The following IQCB1 variants were observed in gnomAD, a reference collection of about 807,000 sequenced individuals.
IQCB1 encodes the protein IQ calmodulin-binding motif-containing protein 1.
In IQCB1, 56 loss-of-function variants were observed where a neutral mutation model predicts 84.4. The ratio of observed to expected loss-of-function variants is 0.66; its 90% CI spans 0.54 to 0.83. The LOEUF (loss-of-function observed/expected upper bound fraction) is 0.83, where lower values mean the gene tolerates loss of function less well. IQCB1 is among the 40% of genes least tolerant of loss of function. The pLI, the probability that IQCB1 is intolerant of heterozygous loss-of-function variation, is 0.00. For synonymous variants in IQCB1, 210 were observed against 234.8 expected, an observed-to-expected ratio of 0.89 and a Z score of 0.96; for missense variants, 629 against 682.1, an observed-to-expected ratio of 0.92 and a Z score of 0.87.
At chr3:121,828,762 G>T in intron 3 of IQCB1, 99 bp downstream of exon 3, 1 of 1,007,054 alleles carries the variant, frequency 9.9e-7, no homozygotes, top group Non-Finnish European at 1.6e-6. Context: ...ATAGTGTTAA[G>T]ACCTCTCTGA....
chr3:121,778,942 T>C (rs1410192316), intron 13 of IQCB1, among the ~76,000 whole-genome samples: 3 of 151,834 alleles, frequency 2.0e-5, no homozygotes, highest in Non-Finnish European at 2.9e-5. Flanking sequence ...GCACTGTTCC[T>C]ACTGAGCAAT....
At chr3:121,804,752 T>C (rs893551191) in intron 7 of IQCB1, among the ~76,000 whole-genome samples, 2 of 152,182 alleles carry the variant, frequency 1.3e-5, no homozygotes, top group African/African-American at 2.4e-5. Flanking sequence ...TGCATGTTTA[T>C]AGTTTTCATC....
intron 8 of IQCB1, among the ~76,000 whole-genome samples, chr3:121,797,873 T>G (rs1301522586): frequency 6.6e-6 from 1 of 152,018 alleles, no homozygotes; most frequent in African/African-American, 2.4e-5. Flanking sequence ...TTATAATGTG[T>G]GTATTCAAAA....
chr3:121,790,947 T>C (rs1293696315), intron 10 of IQCB1, among the ~76,000 whole-genome samples: 1 of 152,180 alleles, frequency 6.6e-6, no homozygotes, highest in Non-Finnish European at 1.5e-5. Flanking sequence ...AAACATTTTA[T>C]ATAATTATAA....
intron 2 of IQCB1, among the ~76,000 whole-genome samples, chr3:121,833,386 TTC>T (rs763448344): frequency 3.3e-5 from 5 of 152,216 alleles, no homozygotes; most frequent in Admixed American, 2.0e-4. Flanking sequence ...TTTCTTGACT[TTC>T]TGTTTTTCTC....
chr3:121,803,762 T>C (rs552342547), intron 7 of IQCB1, among the ~76,000 whole-genome samples: 1 of 152,224 alleles, frequency 6.6e-6, no homozygotes, highest in Non-Finnish European at 1.5e-5. Flanking sequence ...CTAATACAGG[T>C]ACTTCAACTT....
rs1399565279 is a variant in IQCB1, at chr3:121,799,180, A to T, written c.766+16T>A. On this transcript the variant is annotated intron_variant, in intron 8 of 14. Transcript: ENST00000310864. ...CTTTTTGAGAATCCCAAGAAAAGAA[A>T]GAATGAATGTACTACCTTTGTAGCA... 1 of 1,588,318 alleles carries T rather than the reference A, an allele frequency of 6.3e-7. No individual in the cohort carries two copies. The highest frequency in any genetic ancestry group is 1.3e-5 in the African/African-American group (1 of 74,296).
In IQCB1 at chr3:121,816,504, T is replaced by G. The variant is rs28812630; in HGVS notation, c.394-7495A>C. ...AGGCAACCTACAGAATAGGAAAAAATTTTTGCAATCTACCCATCTGATGAA... is the reference window on the plus strand; with the variant it reads ...AGGCAACCTACAGAATAGGAAAAAAGTTTTGCAATCTACCCATCTGATGAA... On this transcript the variant is annotated intron_variant, in intron 5 of 14. Transcript: ENST00000310864. 2.7e-3 allele frequency among the ~76,000 whole-genome samples: 408 copies of G among 151,794 alleles called. 1 individual carries two copies. The highest frequency in any genetic ancestry group is 9.4e-3 in the African/African-American group (390 of 41,394).
At chr3:121,785,449 T>G (rs1485731688) in intron 12 of IQCB1, among the ~76,000 whole-genome samples, 1 of 152,068 alleles carries the variant, frequency 6.6e-6, no homozygotes, top group Non-Finnish European at 1.5e-5. Context: ...GAGATGAGGT[T>G]TTGCGACATT....
intron 7 of IQCB1, among the ~76,000 whole-genome samples, chr3:121,800,630 C>T (rs1949368880): frequency 6.6e-6 from 1 of 151,922 alleles, no homozygotes; most frequent in African/African-American, 2.4e-5. Context: ...ATGCTCATCT[C>T]AGAAAGCCTT....
intron 6 of IQCB1, among the ~76,000 whole-genome samples, chr3:121,807,661 T>C (rs777208742): frequency 1.8e-4 from 28 of 151,888 alleles, no homozygotes; most frequent in African/African-American, 4.3e-4. Context: ...AGTCAGAAAA[T>C]AGGCATAAAT....
At chr3:121,783,763 A>G (rs534637010) in intron 12 of IQCB1, among the ~76,000 whole-genome samples, 10 of 151,924 alleles carry the variant, frequency 6.6e-5, no homozygotes, top group Admixed American at 2.0e-4. Flanking sequence ...CTCGGTGACT[A>G]CTTTTCATCT....
Position 121,826,202 on chromosome 3 carries a change from G to A in IQCB1, c.264-22C>T, listed in dbSNP as rs760622385. The A allele has an allele frequency of 4.3e-5, 69 of 1,612,172 alleles. No homozygotes were observed. In the East Asian group the frequency reaches 1.2e-3, roughly 29 times the overall value. ...ATGGCTGAAATAAGAGCACAAGTTC[G>A]TGTTAATTAGAAGTTTATGTTGAAT... On this transcript the variant is annotated intron_variant, in intron 4 of 14. Coordinates refer to ENST00000310864, the MANE Select transcript of IQCB1 (RefSeq NM_001023570.4).
rs772971442 is a variant in IQCB1, at chr3:121,799,182, A to G, written c.766+14T>C. On this transcript the variant is annotated intron_variant, in intron 8 of 14. Transcript: ENST00000310864. The stretch of plus-strand genomic sequence containing the variant: ...TTTTGAGAATCCCAAGAAAAGAAAG[A>G]ATGAATGTACTACCTTTGTAGCAGG... 2 of 1,591,420 alleles carry G rather than the reference A, an allele frequency of 1.3e-6. No homozygotes were observed. The highest frequency in any genetic ancestry group is 1.1e-5 in the South Asian group (1 of 89,778).
chr3:121,809,089 G>T (rs1949724143), intron 5 of IQCB1, 80 bp from the exon 6 acceptor site: 3 of 759,100 alleles, frequency 4.0e-6, no homozygotes, highest in Non-Finnish European at 4.4e-6. Flanking sequence ...TTCTCTCTGG[G>T]GAGTTAGAGG....
chr3:121,788,267 C>T lies in IQCB1; in HGVS notation c.1278+17G>A, dbSNP rs762528119. The T allele has an allele frequency of 6.2e-6, 10 of 1,612,754 alleles. No individual in the cohort carries two copies. The highest frequency in any genetic ancestry group is 8.5e-6 in the Non-Finnish European group (10 of 1,179,082). On this transcript the variant is annotated intron_variant, in intron 12 of 14. Transcript: ENST00000310864. The stretch of plus-strand genomic sequence containing the variant: ...TTGCCTCTTGATTCAGAGCTCTTTT[C>T]ACTACATTAGACTCACTGCTCTTTG...
intron 5 of IQCB1, among the ~76,000 whole-genome samples, chr3:121,821,677 C>T (rs1402221388): frequency 3.3e-5 from 5 of 152,164 alleles, no homozygotes; most frequent in Admixed American, 3.3e-4. Context: ...ATTTAGCCCA[C>T]AGGCCATAGT....
chr3:121,809,055 CCT>C, intron 5 of IQCB1, 46 bp from the exon 6 acceptor site: 1 of 1,168,344 alleles, frequency 8.6e-7, no homozygotes, highest in Non-Finnish European at 1.2e-6. Context: ...TAGTTTTTTT[CCT>C]TTTTTTTTTT....
intron 13 of IQCB1, among the ~76,000 whole-genome samples, chr3:121,775,312 ATGTCCTT>A (rs1948180863): frequency 6.6e-6 from 1 of 152,220 alleles, no homozygotes; most frequent in African/African-American, 2.4e-5. Context: ...GGATGAGTTT[ATGTCCTT>A]TGCAGAGACA....
Sources: allele counts gnomAD v4.1 joint callset (sites outside exome capture counted in the v4.1 genomes callset), GRCh38; gene constraint gnomAD v4.1.1; transcripts MANE v1.5; gene names NCBI Gene and HGNC (gene_info 2026-07-23, HGNC 2026-07-21).